Variants in HBZ observed in about 807,000 individuals in gnomAD.
The protein encoded by HBZ is hemoglobin zeta chain.
In HBZ, 2 loss-of-function variants were observed where a neutral mutation model predicts 5.8. The ratio of observed to expected loss-of-function variants is 0.34; its 90% CI spans 0.14 to 1.09. HBZ has a LOEUF of 1.09. Ranked by LOEUF, HBZ falls within the 50% of genes least tolerant of loss-of-function variation. The pLI is 0.42. For missense variants in HBZ, 47 were observed against 97.8 expected (o/e 0.48, Z 2.19); for synonymous variants, 39 against 47.4 (o/e 0.82, Z 0.73).
intron 1 of HBZ, among the ~76,000 whole-genome samples, chr16:153,294 T>G (rs867060452): frequency 0.047 from 7,017 of 148,910 alleles, 56 homozygotes; most frequent in African/African-American, 0.17. Context: ...TGCACAACCA[T>G]CTGGGCTCGC....
In HBZ at chr16:154,450, G is replaced by A. The variant is rs1901680304; in HGVS notation, c.*50G>A. 1 of 1,320,738 alleles carries A rather than the reference G, an allele frequency of 7.6e-7. No homozygotes were observed. The highest frequency in any genetic ancestry group is 1.6e-5 in the South Asian group (1 of 63,588). 81.8% of individuals were successfully genotyped at this position (1,320,738 alleles called of 1,614,324 possible). ...CAGGCTGCGGCCCCTCCCCCGTCCT[G>A]GAGGTTCCCCAGCCCCACTTACCGC... On this transcript the variant is annotated 3_prime_UTR_variant, in exon 3 of 3. Coordinates refer to ENST00000252951, the MANE Select transcript of HBZ (RefSeq NM_005332.3).
intron 1 of HBZ, among the ~76,000 whole-genome samples, chr16:153,218 A>T (rs1157987389): frequency 1.3e-5 from 2 of 152,078 alleles, no homozygotes; most frequent in Middle Eastern, 3.4e-3. Context: ...TGAGGAAGGG[A>T]CAGTGAGGAC....
intron 1 of HBZ, among the ~76,000 whole-genome samples, 189 bp downstream of exon 1, chr16:153,193 G>C (rs1329759940): frequency 9.2e-5 from 14 of 152,028 alleles, no homozygotes; most frequent in African/African-American, 3.4e-4. Flanking sequence ...GGAGGGAACC[G>C]TGGAGAGGGG....
chr16:152,853 C>A lies in HBZ; in HGVS notation c.-57C>A, dbSNP rs1339699301. On this transcript the variant is annotated 5_prime_UTR_variant, in exon 1 of 3. Transcript: ENST00000252951. ...ATAAGGGGACCCTGGGGGCTGAGCA[C>A]TACCAAGGCCAGTCCTGAGCAGGCC... The A allele has an allele frequency of 6.2e-6, 10 of 1,607,664 alleles. No individual in the cohort carries two copies. The highest frequency in any genetic ancestry group is 2.7e-5 in the African/African-American group (2 of 74,892).
chr16:154,475 C>T lies in HBZ; in HGVS notation c.*75C>T. ...GGAGGTTCCCCAGCCCCACTTACCG[C>T]GTAATGCGCCAATAAACCAATGAAC... On this transcript the variant is annotated 3_prime_UTR_variant, in exon 3 of 3. Transcript: ENST00000252951. The T allele has an allele frequency of 2.0e-6, 2 of 1,006,382 alleles. No individual in the cohort carries two copies. The highest frequency in any genetic ancestry group is 2.8e-6 in the Non-Finnish European group (2 of 726,284). 62.3% of individuals were successfully genotyped at this position (1,006,382 alleles called of 1,614,324 possible). A position where few individuals can be genotyped will look rare whatever the true frequency, so the allele number is the denominator to read the frequency against.
intron 1 of HBZ, 66 bp from the exon 2 acceptor site, chr16:153,826 A>T: frequency 6.6e-4 from 1 of 1,516 alleles, no homozygotes; most frequent in Non-Finnish European, 1.0e-3. Flanking sequence ...AGAGGGCCGC[A>T]GGGCGCGTGG....
In HBZ at chr16:154,167, G is replaced by GGGC. The variant is rs1555448004; in HGVS notation, c.300+72_300+73insGCG. 1.3e-4 allele frequency: 3 copies of GGGC among 23,774 alleles called. No individual in the cohort carries two copies. In the African/African-American group the frequency reaches 2.3e-3, roughly 19 times the overall value. 1.5% of individuals were successfully genotyped at this position (23,774 alleles called of 1,614,324 possible). ...GTGCGGGCGGGGCGGGGCGGGGCGG[G>GGGC]GCGGGGAGGGGCGGGGAGGGGCGGG... On this transcript the variant is annotated intron_variant, in intron 2 of 2. Transcript: ENST00000252951.
chr16:154,177 G>GGCGGGGCGGTGCGGGGCGGGGCGGGGTC, intron 2 of HBZ, 81 bp downstream of exon 2: 2 of 28,810 alleles, frequency 6.9e-5, no homozygotes, highest in Non-Finnish European at 4.0e-5. Context: ...GGCGGGGAGG[G>GGCGGGGCGGTGCGGGGCGGGGCGGGGTC]GCGGGGAGGG....
exon 3 of HBZ, chr16:154,495 ATGAACGAAGCAGCGTCCACC>A: frequency 2.5e-6 from 2 of 790,390 alleles, 1 homozygote; most frequent in South Asian, 4.4e-5. Context: ...CAATAAACCA[ATGAACGAAGCAGCGTCCACC>A]TGGTCTCTGT....
rs141937302 is a variant in HBZ at position 152,700 on chromosome 16, C to T, written c.-210C>T. The T allele has an allele frequency of 1.5e-3, 1,343 of 894,920 alleles. 14 individuals are homozygous for T. In the African/African-American group the frequency reaches 0.021, roughly 14 times the overall value. 55.4% of individuals were successfully genotyped at this position (894,920 alleles called of 1,614,324 possible). A position where few individuals can be genotyped will look rare whatever the true frequency, so the allele number is the denominator to read the frequency against. ...AGGAGAGGAACAGGAGTGATAGCCC[C>T]CAAACCCCAGTCCCACCAGGCCCTG... On this transcript the variant is annotated 5_prime_UTR_variant, in exon 1 of 3. Coordinates refer to ENST00000252951, the MANE Select transcript of HBZ (RefSeq NM_005332.3).
rs1901635959 is a variant in HBZ, at chr16:152,766, C to T, written c.-144C>T. The T allele has an allele frequency of 7.1e-7, 1 of 1,405,814 alleles. No homozygotes were observed. Among genetic ancestry groups the T allele is most frequent in the East Asian group, 2.5e-5 (1 of 39,880 alleles). The allele number at this position is 1,405,814 out of a possible 1,614,324, so 87.1% of individuals were successfully genotyped here. A position where few individuals can be genotyped will look rare whatever the true frequency, so the allele number is the denominator to read the frequency against. On this transcript the variant is annotated 5_prime_UTR_variant, in exon 1 of 3. Coordinates refer to ENST00000252951, the MANE Select transcript of HBZ (RefSeq NM_005332.3). ...CTGGATCTGATAAGAAACACCACCC[C>T]TGCAGCCCCCTCCCCTCACCTGACC...
At chr16:154,209 G>GGGGCGGGGT (rs1375336040) in intron 2 of HBZ, 63 bp from the exon 3 acceptor site, 1 of 29,770 alleles carries the variant, frequency 3.4e-5, no homozygotes, top group Admixed American at 5.9e-4. Flanking sequence ...GGGCGGATGC[G>GGGGCGGGGT]GGGGTCGCCG....
In HBZ at chr16:152,721, C is replaced by G. The variant is rs550065933; in HGVS notation, c.-189C>G. 722 of 998,286 alleles carry G rather than the reference C, an allele frequency of 7.2e-4. 1 individual carries two copies. The highest frequency in any genetic ancestry group is 9.1e-4 in the Non-Finnish European group (665 of 730,130). The allele number at this position is 998,286 out of a possible 1,614,324, so 61.8% of individuals were successfully genotyped here. On this transcript the variant is annotated 5_prime_UTR_variant, in exon 1 of 3. Coordinates refer to ENST00000252951, the MANE Select transcript of HBZ (RefSeq NM_005332.3). ...GCCCCCAAACCCCAGTCCCACCAGG[C>G]CCTGAGGGCCCCTTTGTCACTGGAT...
Position 153,011 on chromosome 16 carries a change from G to T in HBZ, c.95+7G>T, listed in dbSNP as rs1424332302. On this transcript the variant is annotated splice_region_variant and intron_variant, in intron 1 of 2. Transcript: ENST00000252951. ...GCACCGAGACTCTGGAGAGGTGAGTGTCAGACGGGACTGCCAGAGGGACTG... is the reference window on the plus strand; with the variant it reads ...GCACCGAGACTCTGGAGAGGTGAGTTTCAGACGGGACTGCCAGAGGGACTG... 4 of 1,588,334 alleles carry T rather than the reference G, an allele frequency of 2.5e-6. No individual in the cohort carries two copies. Among genetic ancestry groups the T allele is most frequent in the Non-Finnish European group, 3.4e-6 (4 of 1,164,484 alleles).
chr16:153,208 T>C (rs1596558533), intron 1 of HBZ, among the ~76,000 whole-genome samples: 2 of 150,832 alleles, frequency 1.3e-5, no homozygotes, highest in South Asian at 4.2e-4. Flanking sequence ...GAGGGGACAG[T>C]GAGGAAGGGA....
At chr16:153,107 C>A in intron 1 of HBZ, 103 bp downstream of exon 1, 1 of 755,498 alleles carries the variant, frequency 1.3e-6, no homozygotes, top group Non-Finnish European at 2.1e-6. Flanking sequence ...GGGGAGGGGA[C>A]CATGGAGAGG....
intron 1 of HBZ, among the ~76,000 whole-genome samples, chr16:153,264 A>G (rs1300307066): frequency 1.3e-5 from 2 of 151,496 alleles, no homozygotes; most frequent in African/African-American, 4.8e-5. Flanking sequence ...GAGCAGGGTA[A>G]GGAGGGAACG....
At position 154,310 on chromosome 16, in the gene HBZ, C is replaced by T. The variant is rs558812274; in HGVS notation, c.339C>T (p.Arg113=). ...SHCLLVTLAA[R]FPADFTAEAH... ...GCCTGCTGGTCACCCTGGCCGCGCG[C>T]TTCCCCGCCGACTTCACGGCCGAGG... Residue 113 remains arginine, a synonymous_variant, in exon 3 of 3, where the codon CGC becomes CGT. Transcript: ENST00000252951. 1.1e-4 allele frequency: 166 copies of T among 1,510,548 alleles called. No individual in the cohort carries two copies. In the African/African-American group the frequency reaches 1.8e-3, roughly 16 times the overall value. The allele number at this position is 1,510,548 out of a possible 1,614,324, so 93.6% of individuals were successfully genotyped here.
intron 1 of HBZ, among the ~76,000 whole-genome samples, chr16:153,291 C>T (rs1372617864): frequency 2.0e-5 from 3 of 150,850 alleles, no homozygotes; most frequent in Non-Finnish European, 4.4e-5. Context: ...AGTTGCACAA[C>T]CATCTGGGCT....
Sources: gnomAD v4.1 joint callset for allele counts (sites outside exome capture counted in the v4.1 genomes callset) on GRCh38, gnomAD v4.1.1 for gene constraint, MANE v1.5 for transcripts, NCBI Gene and HGNC (gene_info 2026-07-23, HGNC 2026-07-21) for gene names.